The following UNC5D variants were observed in gnomAD, a reference collection of about 807,000 sequenced individuals.
UNC5D encodes netrin receptor UNC5D.
Under a neutral mutation model 105.4 loss-of-function variants are expected in UNC5D, and 39 were observed. That is an observed-to-expected ratio of 0.37 (90% CI 0.29 to 0.48). UNC5D has a LOEUF of 0.48. Ranked by LOEUF, UNC5D falls within the 20% of genes least tolerant of loss-of-function variation. The probability of loss-of-function intolerance (pLI) is 0.98; values close to 1 mark genes in which losing one functional copy is unlikely to be tolerated. For missense variants in UNC5D, 991 were observed against 1,202.4 expected, an observed-to-expected ratio of 0.82 and a Z score of 2.60; for synonymous variants, 452 against 450.4, an observed-to-expected ratio of 1.00 and a Z score of -0.04.
At chr8:35,709,949 T>G (rs1827836967) in intron 8 of UNC5D, among the ~76,000 whole-genome samples, 1 of 152,170 alleles carries the variant, frequency 6.6e-6, no homozygotes, top group South Asian at 2.1e-4. Context: ...AAACTTTGTT[T>G]TGTTATAGTT....
intron 1 of UNC5D, among the ~76,000 whole-genome samples, chr8:35,478,290 G>T (rs755680080): frequency 6.6e-6 from 1 of 152,112 alleles, no homozygotes; most frequent in African/African-American, 2.4e-5. Flanking sequence ...AAATATTGAT[G>T]ATGACATTGT....
chr8:35,728,316 A>G (rs2131562330), intron 10 of UNC5D, among the ~76,000 whole-genome samples: 1 of 152,014 alleles, frequency 6.6e-6, no homozygotes, highest in Non-Finnish European at 1.5e-5. Context: ...ACATATGTAG[A>G]GGGAGAGCCA....
At chr8:35,413,512 G>C (rs1176487530) in intron 1 of UNC5D, among the ~76,000 whole-genome samples, 2 of 150,622 alleles carry the variant, frequency 1.3e-5, no homozygotes, top group African/African-American at 4.9e-5. Context: ...AGCAGCTGTT[G>C]GTGTGCTGCT....
intron 1 of UNC5D, among the ~76,000 whole-genome samples, chr8:35,442,904 T>A (rs556307600): frequency 0.016 from 2,193 of 141,300 alleles, 55 homozygotes; most frequent in African/African-American, 0.053. Flanking sequence ...TCTCTCTCTC[T>A]CACACACACA....
chr8:35,264,656 G>A (rs916142457), intron 1 of UNC5D, among the ~76,000 whole-genome samples: 5 of 151,776 alleles, frequency 3.3e-5, no homozygotes, highest in Non-Finnish European at 5.9e-5. Context: ...CTTGAACCCC[G>A]GAGGCGGAGG....
At chr8:35,699,470 T>C (rs529199043) in intron 7 of UNC5D, among the ~76,000 whole-genome samples, 1 of 152,152 alleles carries the variant, frequency 6.6e-6, no homozygotes. Context: ...CGTTTTTCAT[T>C]TACTAATGTG....
intron 15 of UNC5D, among the ~76,000 whole-genome samples, chr8:35,771,262 G>A (rs1801999689): frequency 6.6e-6 from 1 of 152,146 alleles, no homozygotes; most frequent in Admixed American, 6.5e-5. Flanking sequence ...AGTGAAGAGA[G>A]AGCTCGGTCA....
At chr8:35,635,960 C>A (rs1175922298) in intron 4 of UNC5D, among the ~76,000 whole-genome samples, 1 of 152,044 alleles carries the variant, frequency 6.6e-6, no homozygotes, top group Non-Finnish European at 1.5e-5. Context: ...TTATGGTGGT[C>A]ATAGGGGAGG....
intron 4 of UNC5D, among the ~76,000 whole-genome samples, chr8:35,633,186 G>A (rs1822149069): frequency 6.6e-6 from 1 of 152,174 alleles, no homozygotes; most frequent in African/African-American, 2.4e-5. Flanking sequence ...GCTCCCTTAG[G>A]ATAGGACTTC....
At chr8:35,381,922 T>C (rs1803067262) in intron 1 of UNC5D, among the ~76,000 whole-genome samples, 1 of 152,230 alleles carries the variant, frequency 6.6e-6, no homozygotes, top group South Asian at 2.1e-4. Flanking sequence ...CATTTCATAT[T>C]AAATCTTCAT....
chr8:35,479,542 T>C (rs1810337433), intron 1 of UNC5D, among the ~76,000 whole-genome samples: 1 of 152,062 alleles, frequency 6.6e-6, no homozygotes, highest in Non-Finnish European at 1.5e-5. Context: ...TCAACCAAGA[T>C]GCCCATCAAC....
At chr8:35,718,310 A>G (rs371024380) in intron 8 of UNC5D, among the ~76,000 whole-genome samples, 15 of 152,238 alleles carry the variant, frequency 9.9e-5, no homozygotes, top group African/African-American at 3.6e-4. Context: ...AAGACAGAAT[A>G]GTCTGCTCAG....
At chr8:35,667,923 A>T (rs552036060) in intron 4 of UNC5D, among the ~76,000 whole-genome samples, 1 of 152,180 alleles carries the variant, frequency 6.6e-6, no homozygotes, top group Non-Finnish European at 1.5e-5. Context: ...TATTCTTAGC[A>T]CATATCTCTG....
At chr8:35,359,646 T>A (rs1188655895) in intron 1 of UNC5D, among the ~76,000 whole-genome samples, 1 of 152,242 alleles carries the variant, frequency 6.6e-6, no homozygotes, top group Non-Finnish European at 1.5e-5. Context: ...ATACCTGTAT[T>A]ACGTCTTATA....
chr8:35,340,034 T>C (rs1270160124), intron 1 of UNC5D, among the ~76,000 whole-genome samples: 1 of 152,174 alleles, frequency 6.6e-6, no homozygotes, highest in Non-Finnish European at 1.5e-5. Flanking sequence ...TGATTGCTAT[T>C]TTTGCATATT....
At chr8:35,411,888 G>A (rs1428247718) in intron 1 of UNC5D, among the ~76,000 whole-genome samples, 1 of 151,958 alleles carries the variant, frequency 6.6e-6, no homozygotes, top group African/African-American at 2.4e-5. Flanking sequence ...TGAGTAAAAT[G>A]CTTCATATCT....
At chr8:35,681,400 G>A (rs990320286) in intron 4 of UNC5D, among the ~76,000 whole-genome samples, 4 of 152,132 alleles carry the variant, frequency 2.6e-5, no homozygotes, top group African/African-American at 9.7e-5. Context: ...TCTTGGTTTT[G>A]TTCACCTGGT....
chr8:35,638,316 A>G (rs1280562757), intron 4 of UNC5D, among the ~76,000 whole-genome samples: 1 of 152,192 alleles, frequency 6.6e-6, no homozygotes, highest in Non-Finnish European at 1.5e-5. Context: ...GACTCTTTTA[A>G]ATACAGTAAG....
chr8:35,280,664 C>T (rs1806085812), intron 1 of UNC5D, among the ~76,000 whole-genome samples: 1 of 152,126 alleles, frequency 6.6e-6, no homozygotes, highest in South Asian at 2.1e-4. Flanking sequence ...ACTCTGATAC[C>T]TCTTAAAACA....
Sources: gnomAD v4.1 joint callset for allele counts (sites outside exome capture counted in the v4.1 genomes callset) on GRCh38, gnomAD v4.1.1 for gene constraint, MANE v1.5 for transcripts, NCBI Gene and HGNC (gene_info 2026-07-23, HGNC 2026-07-21) for gene names.